CALCOCO1: variants seen among roughly 807,000 people sequenced by gnomAD.
CALCOCO1 encodes calcium binding and coiled-coil domain 1, also known as calcium-binding and coiled-coil domain-containing protein 1.
CALCOCO1 carries 44 observed loss-of-function variants against 86.3 expected under a neutral mutation model. The ratio of observed to expected loss-of-function variants is 0.51; its 90% confidence interval spans 0.40 to 0.66. CALCOCO1 has a LOEUF of 0.66. Ranked by LOEUF, CALCOCO1 falls within the 30% of genes least tolerant of loss-of-function variation. CALCOCO1 has a pLI of 0.00. For missense variants in CALCOCO1, 708 were observed against 851.1 expected, an observed-to-expected ratio of 0.83 and a Z score of 2.09; for synonymous variants, 297 against 327.6, an observed-to-expected ratio of 0.91 and a Z score of 1.01.
chr12:53,713,097 C>T lies in CALCOCO1; in HGVS notation c.1898+3G>A, dbSNP rs1945616217. 2 of 1,613,352 alleles carry T rather than the reference C, an allele frequency of 1.2e-6. No homozygotes were observed. Among genetic ancestry groups the T allele is most frequent in the East Asian group, 2.2e-5 (1 of 44,876 alleles). On this transcript the variant is annotated splice_donor_region_variant and intron_variant, in intron 14 of 14. Transcript: ENST00000550804. ...CCCTCCTGGCCTTGCTGGTTGAACTCACCTGGCCATGTCATAGAAGGCACT... is the reference window on the plus strand; with the variant it reads ...CCCTCCTGGCCTTGCTGGTTGAACTTACCTGGCCATGTCATAGAAGGCACT...
At chr12:53,719,961 C>A in intron 6 of CALCOCO1, 132 bp from the exon 7 acceptor site, 1 of 545,752 alleles carries the variant, frequency 1.8e-6, no homozygotes, top group African/African-American at 1.9e-5. Flanking sequence ...TGCATAAATC[C>A]CCAAGCCAGC....
intron 4 of CALCOCO1, chr12:53,722,974 A>G (rs761340683): frequency 1.0e-5 from 4 of 399,338 alleles, no homozygotes; most frequent in South Asian, 7.3e-5. Context: ...AAAGAAAAGA[A>G]AAGAAAAACC....
intron 6 of CALCOCO1, among the ~76,000 whole-genome samples, chr12:53,720,816 G>A (rs1945847094): frequency 6.6e-6 from 1 of 152,194 alleles, no homozygotes; most frequent in Non-Finnish European, 1.5e-5. Context: ...ATGCTACTTG[G>A]TAGAGAAAAC....
At chr12:53,720,958 A>G (rs996834031) in intron 6 of CALCOCO1, among the ~76,000 whole-genome samples, 2 of 152,270 alleles carry the variant, frequency 1.3e-5, no homozygotes, top group Non-Finnish European at 2.9e-5. Context: ...AATGTTAAAG[A>G]GGCTGCCTCC....
chr12:53,716,445 G>C (rs1176467068), intron 7 of CALCOCO1, 30 bp from the exon 8 acceptor site: 6 of 1,613,742 alleles, frequency 3.7e-6, no homozygotes, highest in African/African-American at 1.3e-5. Flanking sequence ...GGTAAGGAAA[G>C]GGGTATGTGT....
intron 5 of CALCOCO1, 117 bp downstream of exon 5, chr12:53,721,908 A>G (rs147620995): frequency 2.5e-5 from 30 of 1,210,362 alleles, no homozygotes; most frequent in Admixed American, 7.5e-5. Flanking sequence ...TATTTCCTTG[A>G]TGCCAGAACC....
chr12:53,718,840 C>CTTTTT (rs35114054), intron 7 of CALCOCO1, among the ~76,000 whole-genome samples: 20 of 75,630 alleles, frequency 2.6e-4, no homozygotes, highest in South Asian at 4.6e-4. Flanking sequence ...ATGGCCCTCC[C>CTTTTT]TTTTTTTTTT....
At chr12:53,721,234 C>A (rs1191124267) in intron 6 of CALCOCO1, among the ~76,000 whole-genome samples, 1 of 152,182 alleles carries the variant, frequency 6.6e-6, no homozygotes, top group Non-Finnish European at 1.5e-5. Context: ...TTTTGCTGTA[C>A]AATAAGTGGT....
At chr12:53,719,175 T>C (rs937229456) in intron 7 of CALCOCO1, among the ~76,000 whole-genome samples, 1 of 151,716 alleles carries the variant, frequency 6.6e-6, no homozygotes, top group African/African-American at 2.4e-5. Flanking sequence ...ACTTTTCTAA[T>C]GTCTCTAACA....
chr12:53,720,007 A>G (rs1945825970), intron 6 of CALCOCO1, among the ~76,000 whole-genome samples, 178 bp from the exon 7 acceptor site: 1 of 152,216 alleles, frequency 6.6e-6, no homozygotes, highest in Non-Finnish European at 1.5e-5. Flanking sequence ...CCAAGATTCC[A>G]GGTTCTAGAG....
At position 53,714,666 on chromosome 12, in the gene CALCOCO1, G is replaced by C. The variant is rs777579106; in HGVS notation, c.1414C>G (p.Leu472Val). 1 of 1,613,906 alleles carries C rather than the reference G, an allele frequency of 6.2e-7. No homozygotes were observed. Among genetic ancestry groups the C allele is most frequent in the Non-Finnish European group, 8.5e-7 (1 of 1,179,970 alleles). Residue 472 changes from leucine to valine, a missense_variant, in exon 11 of 15, where the codon CTG becomes GTG. Coordinates refer to ENST00000550804, the MANE Select transcript of CALCOCO1 (RefSeq NM_020898.3). ...LVQLSESKRELTELRSALRVL... is the reference protein window; with the variant it reads ...LVQLSESKREVTELRSALRVL... ...CGCAGGGCTGACCGCAGCTCTGTCA[G>C]CTCCCGCTTACTTTCTGACAACTGT... is the stretch of plus-strand genomic sequence containing the variant.
chr12:53,712,122 C>A lies in CALCOCO1; in HGVS notation c.1899-1G>T. On this transcript the variant is annotated splice_acceptor_variant, in intron 14 of 14. Transcript: ENST00000550804. LOFTEE classifies it high-confidence loss of function. ...TGACAGGGTACCCACTGTAAAGCCA[C>A]TAAGAGAGACAGAGGGGAAAGGGAG... 1 of 1,595,398 alleles carries A rather than the reference C, an allele frequency of 6.3e-7. No individual in the cohort carries two copies. The highest frequency in any genetic ancestry group is 1.1e-5 in the South Asian group (1 of 88,664).
Position 53,712,052 on chromosome 12 carries a change from A to C in CALCOCO1, c.1968T>G (p.Cys656Trp). The C allele has an allele frequency of 6.2e-7, 1 of 1,612,674 alleles. No individual in the cohort carries two copies. Among genetic ancestry groups the C allele is most frequent in the Non-Finnish European group, 8.5e-7 (1 of 1,179,372 alleles). ...GGPATPTWKE[C>W]PICKERFPAE... ...CAGGAAAGCGCTCCTTACAGATAGG[A>C]CACTCCTTCCATGTGGGGGTGGCAG... Residue 656 changes from cysteine to tryptophan, a missense_variant, in exon 15 of 15, where the codon TGT becomes TGG. By Grantham distance (215) the Cys-to-Trp change is radical. Coordinates refer to ENST00000550804, the MANE Select transcript of CALCOCO1 (RefSeq NM_020898.3).
intron 3 of CALCOCO1, chr12:53,724,218 C>T (rs1019009202): frequency 1.9e-5 from 8 of 429,234 alleles, no homozygotes; most frequent in African/African-American, 9.2e-5. Context: ...TTTAAATCCT[C>T]GTAATGTCCC....
chr12:53,719,795 G>C lies in CALCOCO1; in HGVS notation c.793C>G (p.Gln265Glu), dbSNP rs777857001. The C allele has an allele frequency of 6.2e-7, 1 of 1,613,708 alleles. No homozygotes were observed. The highest frequency in any genetic ancestry group is 1.3e-5 in the African/African-American group (1 of 74,848). The stretch of plus-strand genomic sequence containing the variant: ...TTCAGTTGCCCAAGGAGCTTCTCTT[G>C]TTCCCGAGTCAGGGCCTTCACTGTG... ...RDTVKALTRE[Q>E]EKLLGQLKEV... Residue 265 changes from glutamine (Q) to glutamate (E), a missense_variant, in exon 7 of 15, where the codon CAA (glutamine) becomes GAA (glutamate). Physicochemically the swap from Gln to Glu is conservative, Grantham distance 29. Transcript: ENST00000550804.
At position 53,721,473 on chromosome 12, in the gene CALCOCO1, A is replaced by G; in HGVS notation, c.752T>C (p.Leu251Pro). 1 of 1,610,064 alleles carries G rather than the reference A, an allele frequency of 6.2e-7. No individual in the cohort carries two copies. The highest frequency in any genetic ancestry group is 1.1e-5 in the South Asian group (1 of 90,614). Residue 251 changes from leucine (L) to proline (P), a missense_variant, in exon 6 of 15, where the codon CTG becomes CCG. Transcript: ENST00000550804. ...SEKVLTKEVE[L>P]DRLRDTVKAL... The stretch of plus-strand genomic sequence containing the variant: ...GTCAGTGGACTCCCCTCACCTGTCC[A>G]GCTCCACTTCCTTCGTCAGCACTTT...
chr12:53,722,059 C>A lies in CALCOCO1; in HGVS notation c.575G>T (p.Arg192Met), dbSNP rs201309784. Residue 192 changes from arginine to methionine, a missense_variant, in exon 5 of 15, where the codon AGG (arginine) becomes ATG (methionine). Coordinates refer to ENST00000550804, the MANE Select transcript of CALCOCO1 (RefSeq NM_020898.3). ...QELERALATA[R>M]QEHTELMEQY... Reference sequence around the variant, plus strand: ...TTCCATCAGCTCCGTGTGCTCCTGCCTGGCAGTTGCCAGAGCCCTCTCGAG... The same window carrying A: ...TTCCATCAGCTCCGTGTGCTCCTGCATGGCAGTTGCCAGAGCCCTCTCGAG... 221 of 1,613,808 alleles carry A rather than the reference C, an allele frequency of 1.4e-4. 3 individuals carry two copies. In the African/African-American group the frequency reaches 2.7e-3, roughly 20 times the overall value.
rs934064377 is a variant in CALCOCO1 at position 53,713,570 on chromosome 12, G to A, written c.1791+131C>T. 7.2e-6 allele frequency: 6 copies of A among 838,596 alleles called. No individual in the cohort carries two copies. The African/African-American group carries it at 8.5e-5, about 12-fold the overall frequency. 51.9% of individuals were successfully genotyped at this position (838,596 alleles called of 1,614,324 possible). A position where few individuals can be genotyped will look rare whatever the true frequency, so the allele number is the denominator to read the frequency against. ...TCCCAGCTACTCTTGGGAGACTGAG[G>A]TGGGAGGATCGCTTCAGCCCAGGAG... On this transcript the variant is annotated intron_variant, in intron 13 of 14. Coordinates refer to ENST00000550804, the MANE Select transcript of CALCOCO1 (RefSeq NM_020898.3).
intron 7 of CALCOCO1, among the ~76,000 whole-genome samples, chr12:53,717,392 C>A (rs966110138): frequency 6.6e-6 from 1 of 152,174 alleles, no homozygotes; most frequent in African/African-American, 2.4e-5. Context: ...GTCACCCCTG[C>A]TTGAAAAATC....
Sources: allele counts gnomAD v4.1 joint callset (sites outside exome capture counted in the v4.1 genomes callset), GRCh38; gene constraint gnomAD v4.1.1; transcripts MANE v1.5; gene names NCBI Gene and HGNC (gene_info 2026-07-23, HGNC 2026-07-21).